The following PCLO variants were observed in gnomAD, a reference collection of about 807,000 sequenced individuals.
PCLO encodes piccolo presynaptic cytomatrix protein, also known as protein piccolo.
A neutral mutation model predicts 427.5 loss-of-function variants in PCLO; 82 were observed. The observed-to-expected ratio is 0.19, with a 90% CI of 0.16 to 0.23. The LOEUF is 0.23. PCLO is among the 10% of genes least tolerant of loss of function. The pLI is 1.00. For missense variants in PCLO, 6,239 were observed against 6,115.9 expected, an observed-to-expected ratio of 1.02 and a Z score of -0.67; for synonymous variants, 2,357 against 2,155.4, an observed-to-expected ratio of 1.09 and a Z score of -2.59.
chr7:82,961,156 A>G (rs1795648294), intron 4 of PCLO, among the ~76,000 whole-genome samples: 1 of 152,206 alleles, frequency 6.6e-6, no homozygotes, highest in African/African-American at 2.4e-5. Flanking sequence ...TGTAAATAAA[A>G]ACTAATTAAT....
At position 83,054,759 on chromosome 7, in the gene PCLO, C is replaced by T. The variant is rs1385419096; in HGVS notation, c.3300+79491G>A. Among the ~76,000 whole-genome samples, 4 of 151,936 alleles carry T rather than the reference C, an allele frequency of 2.6e-5. No homozygotes were observed. In the East Asian group the frequency reaches 7.7e-4, roughly 29 times the overall value. ...ACAAATAATTGGCAAGGCAAGTGTG[C>T]ATTAAGGCAGAAGCATTGCCAATGA... On this transcript the variant is annotated intron_variant, in intron 3 of 24. Transcript: ENST00000333891.
intron 22 of PCLO, among the ~76,000 whole-genome samples, chr7:82,777,340 A>G (rs1790775782): frequency 6.6e-6 from 1 of 152,218 alleles, no homozygotes; most frequent in Non-Finnish European, 1.5e-5. Context: ...AAAGTAATTT[A>G]TAGATTCAAT....
chr7:82,828,125 A>C (rs1377439065), intron 16 of PCLO, among the ~76,000 whole-genome samples, 159 bp from the exon 17 acceptor site: 1 of 152,124 alleles, frequency 6.6e-6, no homozygotes, highest in African/African-American at 2.4e-5. Context: ...TTTAAGTTGA[A>C]TGCACAGTGA....
At chr7:83,055,527 G>A (rs1789357655) in intron 3 of PCLO, among the ~76,000 whole-genome samples, 1 of 151,954 alleles carries the variant, frequency 6.6e-6, no homozygotes, top group Admixed American at 6.5e-5. Context: ...TTTCGTGATT[G>A]TCTCTATCAG....
chr7:82,911,766 A>T (rs1306507245), intron 7 of PCLO, among the ~76,000 whole-genome samples: 2 of 151,860 alleles, frequency 1.3e-5, no homozygotes, highest in African/African-American at 4.8e-5. Context: ...GGGACTACAG[A>T]CGTGTGCCAC....
At chr7:82,799,243 C>A (rs567393349) in intron 22 of PCLO, among the ~76,000 whole-genome samples, 3 of 152,280 alleles carry the variant, frequency 2.0e-5, no homozygotes, top group African/African-American at 7.2e-5. Context: ...TATAGATGAT[C>A]ATATTTGTTA....
chr7:82,950,393 G>A lies in PCLO; in HGVS notation c.10195C>T (p.Leu3399=), dbSNP rs749390660. 3.1e-6 allele frequency: 5 copies of A among 1,613,556 alleles called. No individual in the cohort carries two copies. In the South Asian group the frequency reaches 4.4e-5, roughly 14 times the overall value. Residue 3399 remains leucine (L), a synonymous_variant, in exon 6 of 25, where the codon CTA becomes TTA. Transcript: ENST00000333891. ...GILSTVSEIP[L]TDVVVKEEKQ... Reference sequence around the variant, plus strand: ...TCCTCTTTCACAACAACATCTGTTAGAGGTATTTCTGAAACAGTGCTCAGG... The same window carrying A: ...TCCTCTTTCACAACAACATCTGTTAAAGGTATTTCTGAAACAGTGCTCAGG...
chr7:82,819,818 G>A (rs1791752932), intron 20 of PCLO, among the ~76,000 whole-genome samples: 1 of 152,070 alleles, frequency 6.6e-6, no homozygotes, highest in Non-Finnish European at 1.5e-5. Flanking sequence ...GAACGCAATA[G>A]GAAAGTATAA....
rs1303489070 is a variant in PCLO, at chr7:82,782,122, T to C, written c.15007+19396A>G. ...AGACTTGTGACAATACTTGTGTGTA[T>C]TGGGAGGCAGTCTTGGGGACTGAGC... On this transcript the variant is annotated intron_variant, in intron 22 of 24. Coordinates refer to ENST00000333891, the MANE Select transcript of PCLO (RefSeq NM_033026.6). Among the ~76,000 whole-genome samples, 3 of 152,308 alleles carry C rather than the reference T, an allele frequency of 2.0e-5. No individual in the cohort carries two copies. In the East Asian group the frequency reaches 5.8e-4, roughly 29 times the overall value.
chr7:82,951,788 T>A, intron 5 of PCLO, 68 bp downstream of exon 5: 11 of 1,516,068 alleles, frequency 7.3e-6, no homozygotes, highest in Non-Finnish European at 9.6e-6. Flanking sequence ...CACATTTTCA[T>A]CCTGAAATGA....
At chr7:82,957,322 T>C (rs1314916999) in intron 4 of PCLO, among the ~76,000 whole-genome samples, 1 of 152,164 alleles carries the variant, frequency 6.6e-6, no homozygotes, top group Non-Finnish European at 1.5e-5. Context: ...GTTATACTTT[T>C]GGATTATGAG....
intron 22 of PCLO, among the ~76,000 whole-genome samples, chr7:82,800,164 A>G (rs939447570): frequency 6.6e-6 from 1 of 152,220 alleles, no homozygotes; most frequent in Admixed American, 6.5e-5. Flanking sequence ...TCCAAAGATT[A>G]ATTTACAATT....
At chr7:83,093,213 C>A (rs73170046) in intron 3 of PCLO, among the ~76,000 whole-genome samples, 8,195 of 151,150 alleles carry the variant, frequency 0.054, 356 homozygotes, top group African/African-American at 0.1. Flanking sequence ...TCAAAGAGAG[C>A]AAAATGTTTC....
chr7:82,916,740 C>A lies in PCLO; in HGVS notation c.11246G>T (p.Arg3749Ile). 6.2e-7 allele frequency: 1 copy of A among 1,613,676 alleles called. No homozygotes were observed. The highest frequency in any genetic ancestry group is 8.5e-7 in the Non-Finnish European group (1 of 1,179,728). ...CATTGTGTTGGTTCTGCAGATCCTTCTCCTGGAAACTGTGCCCATTGTGCT... is the reference window on the plus strand; with the variant it reads ...CATTGTGTTGGTTCTGCAGATCCTTATCCTGGAAACTGTGCCCATTGTGCT... Reference protein sequence around the residue: ...TFSTMGTVSRRRICRTNTMAR... With the variant: ...TFSTMGTVSRIRICRTNTMAR... The change falls in exon 7 of 25, where the codon AGA (arginine) becomes ATA (isoleucine). Residue 3749 changes from arginine to isoleucine, a missense_variant. Physicochemically the swap from Arg to Ile is moderately conservative, Grantham distance 97. Around this residue, in one of 5 missense-constraint regions of PCLO, gnomAD observed 4,677 missense variants for 4,468.4 expected, o/e 1.05. Transcript: ENST00000333891.
chr7:82,768,924 C>T (rs1306187087), intron 22 of PCLO, among the ~76,000 whole-genome samples: 3 of 152,104 alleles, frequency 2.0e-5, no homozygotes, highest in Non-Finnish European at 4.4e-5. Flanking sequence ...AGAATACAAT[C>T]ATCATTTCAC....
In PCLO at chr7:82,958,515, T is replaced by C. The variant is rs183085227; in HGVS notation, c.4018-1580A>G. The stretch of plus-strand genomic sequence containing the variant: ...CCTTTATTATGCATGGTCAATGATC[T>C]ATCCTGAGCATATTACAGGGTAAAA... On this transcript the variant is annotated intron_variant, in intron 4 of 24. Transcript: ENST00000333891. Among the ~76,000 whole-genome samples, 137 of 152,316 alleles carry C rather than the reference T, an allele frequency of 9.0e-4. 1 individual carries two copies. Among genetic ancestry groups the C allele is most frequent in the African/African-American group, 3.0e-3 (126 of 41,564 alleles).
rs1411584545 is a variant in PCLO, at chr7:82,949,829, G to T, written c.10759C>A (p.Pro3587Thr). Reference sequence around the variant, plus strand: ...GGTGTTGGGCGTTTCTTGTCTTTGGGTGGAGATGTGGCACTCAGATATTGA... The same window carrying T: ...GGTGTTGGGCGTTTCTTGTCTTTGGTTGGAGATGTGGCACTCAGATATTGA... ...SPQYLSATSP[P>T]KDKKRPTPLE... Residue 3587 changes from proline (P) to threonine (T), a missense_variant, in exon 6 of 25, where the codon CCC (proline) becomes ACC (threonine). This residue lies in a region of PCLO where 4,677 missense variants were observed against 4,468.4 expected (regional missense o/e 1.05). Coordinates refer to ENST00000333891, the MANE Select transcript of PCLO (RefSeq NM_033026.6). The T allele has an allele frequency of 6.2e-7, 1 of 1,613,744 alleles. No homozygotes were observed. The highest frequency in any genetic ancestry group is 2.2e-5 in the East Asian group (1 of 44,856).
At position 82,953,581 on chromosome 7, in the gene PCLO, C is replaced by T. The variant is rs73385988; in HGVS notation, c.7372G>A (p.Ala2458Thr). Residue 2458 changes from alanine to threonine, a missense_variant, in exon 5 of 25, where the codon GCT (alanine) becomes ACT (threonine). By Grantham distance (58) the Ala-to-Thr change is moderately conservative. Coordinates refer to ENST00000333891, the MANE Select transcript of PCLO (RefSeq NM_033026.6). Reference sequence around the variant, plus strand: ...GCTGTGGTCTCTAGAGTAGTAACAGCATCAAACAGAGGTGTAGCTGTAGTC... The same window carrying T: ...GCTGTGGTCTCTAGAGTAGTAACAGTATCAAACAGAGGTGTAGCTGTAGTC... ...PVTTATPLFD[A>T]VTTLETTAVL... 3.9e-3 allele frequency: 6,292 copies of T among 1,612,176 alleles called. 240 individuals are homozygous for T. The African/African-American group carries it at 0.076, about 19-fold the overall frequency.
chr7:82,956,878 C>T lies in PCLO; in HGVS notation c.4075G>A (p.Gly1359Ser). The T allele has an allele frequency of 6.2e-7, 1 of 1,613,468 alleles. No homozygotes were observed. The highest frequency in any genetic ancestry group is 8.5e-7 in the Non-Finnish European group (1 of 1,179,730). The change falls in exon 5 of 25, where the codon GGT (glycine) becomes AGT (serine). Residue 1359 changes from glycine (G) to serine (S), a missense_variant. By Grantham distance (56) the Gly-to-Ser change is moderately conservative (BLOSUM62 0). This residue lies in a region of PCLO where 4,677 missense variants were observed against 4,468.4 expected (regional missense o/e 1.05). Coordinates refer to ENST00000333891, the MANE Select transcript of PCLO (RefSeq NM_033026.6). ...SSSQQPKSPQ[G>S]LSDTGYSSDG... is the part of the protein sequence containing the mutation. ...GAAGAATATCCCGTGTCGCTCAGAC[C>T]TTGGGGGCTTTTAGGCTGCTGAGAA...
Sources: allele counts gnomAD v4.1 joint callset (sites outside exome capture counted in the v4.1 genomes callset), GRCh38; gene constraint gnomAD v4.1.1; regional missense constraint gnomAD v4.1.1; transcripts MANE v1.5; gene names NCBI Gene and HGNC (gene_info 2026-07-23, HGNC 2026-07-21).